KCNC2: variants seen among roughly 807,000 people sequenced by gnomAD.
KCNC2 encodes voltage-gated potassium channel KCNC2.
Under a neutral mutation model 44.5 loss-of-function variants are expected in KCNC2, and 21 were observed. The observed-to-expected ratio is 0.47, with a 90% CI of 0.33 to 0.68. The LOEUF is 0.68. Among genes scored for constraint, KCNC2 ranks in the 30% least tolerant of loss-of-function variants. KCNC2 has a pLI of 0.01. For missense variants in KCNC2, 589 were observed against 826.2 expected (o/e 0.71, Z 3.52); for synonymous variants, 391 against 339.1 (o/e 1.15, Z -1.68).
intron 2 of KCNC2, among the ~76,000 whole-genome samples, chr12:75,133,812 A>G (rs1437225462): frequency 1.3e-5 from 2 of 152,060 alleles, no homozygotes; most frequent in African/African-American, 2.4e-5. Flanking sequence ...TATAGAACAT[A>G]TATCCTGTGC....
At chr12:75,119,983 C>A (rs937975280) in intron 2 of KCNC2, among the ~76,000 whole-genome samples, 4 of 152,102 alleles carry the variant, frequency 2.6e-5, no homozygotes, top group African/African-American at 9.7e-5. Flanking sequence ...AAATGTGAAT[C>A]AAAGAGTTAT....
At chr12:75,061,001 C>G (rs1325520202) in intron 2 of KCNC2, among the ~76,000 whole-genome samples, 1 of 152,104 alleles carries the variant, frequency 6.6e-6, no homozygotes, top group Non-Finnish European at 1.5e-5. Flanking sequence ...TCCTTGAAAT[C>G]TGGTCAAAAT....
chr12:75,151,406 T>A (rs1353144291), intron 2 of KCNC2, among the ~76,000 whole-genome samples: 2 of 151,978 alleles, frequency 1.3e-5, no homozygotes. Flanking sequence ...GTTGGCCCAC[T>A]GCCAGTTGTC....
chr12:75,117,100 T>A lies in KCNC2; in HGVS notation c.688-65783A>T, dbSNP rs546983041. Among the ~76,000 whole-genome samples, 740 of 150,094 alleles carry A rather than the reference T, an allele frequency of 4.9e-3. 7 individuals are homozygous for A. The highest frequency in any genetic ancestry group is 0.018 in the African/African-American group (714 of 40,468). On this transcript the variant is annotated intron_variant, in intron 2 of 4. Coordinates refer to ENST00000549446, the MANE Select transcript of KCNC2 (RefSeq NM_139137.4). ...CTTGCATTGTGGTTTAAAAAAAAAATAAAGGAAAGAGAAGACAAAAAGAAA... is the reference window on the plus strand; with the variant it reads ...CTTGCATTGTGGTTTAAAAAAAAAAAAAAGGAAAGAGAAGACAAAAAGAAA...
chr12:75,198,015 A>C (rs1405227535), intron 2 of KCNC2, among the ~76,000 whole-genome samples: 1 of 152,012 alleles, frequency 6.6e-6, no homozygotes, highest in East Asian at 1.9e-4. Flanking sequence ...AGTACATACT[A>C]CAATTAAGAA....
intron 2 of KCNC2, among the ~76,000 whole-genome samples, chr12:75,104,644 T>A (rs1008835236): frequency 6.6e-6 from 1 of 152,160 alleles, no homozygotes; most frequent in African/African-American, 2.4e-5. Flanking sequence ...ATAATAAACT[T>A]TTACCTAGAA....
In KCNC2 at chr12:75,207,003, AG is replaced by A. The variant is rs980182783; in HGVS notation, c.687+293del. ...TGAATCCTCATACCCGTTTCAGGAC[AG>A]GGTCCAAAGACGTGCACAGAAAAGT... On this transcript the variant is annotated intron_variant, in intron 2 of 4. Transcript: ENST00000549446. This position sits in a 1 kb window ranked among gnomAD's most constrained non-coding sequence, Gnocchi z 4.1. Among the ~76,000 whole-genome samples, 1 of 152,226 alleles carries A rather than the reference AG, an allele frequency of 6.6e-6. No homozygotes were observed. Among genetic ancestry groups the A allele is most frequent in the African/African-American group, 2.4e-5 (1 of 41,456 alleles).
intron 2 of KCNC2, among the ~76,000 whole-genome samples, chr12:75,195,530 T>G (rs1000938382): frequency 6.6e-6 from 1 of 152,142 alleles, no homozygotes; most frequent in Non-Finnish European, 1.5e-5. Flanking sequence ...GGAACATTCT[T>G]GACTTTTCTT....
intron 2 of KCNC2, among the ~76,000 whole-genome samples, chr12:75,106,680 A>C (rs1231902858): frequency 1.3e-5 from 2 of 152,166 alleles, no homozygotes; most frequent in Admixed American, 6.5e-5. Flanking sequence ...TAAATAAAAA[A>C]CACCACCACC....
chr12:75,107,399 T>C (rs1886876263), intron 2 of KCNC2, among the ~76,000 whole-genome samples: 1 of 150,848 alleles, frequency 6.6e-6, no homozygotes, highest in Non-Finnish European at 1.5e-5. Context: ...TATAACAAAT[T>C]TATAATTTAT....
At chr12:75,163,466 TAA>T (rs1337111509) in intron 2 of KCNC2, among the ~76,000 whole-genome samples, 9 of 151,798 alleles carry the variant, frequency 5.9e-5, no homozygotes, top group Non-Finnish European at 1.2e-4. Context: ...CAAATGCATT[TAA>T]GTTTCTGCAC....
At chr12:75,133,369 A>T (rs887851165) in intron 2 of KCNC2, among the ~76,000 whole-genome samples, 13 of 151,966 alleles carry the variant, frequency 8.6e-5, no homozygotes, top group Admixed American at 5.9e-4. Flanking sequence ...GCTTGTAACA[A>T]TGTATCACAT....
chr12:75,119,195 A>G (rs1004232694), intron 2 of KCNC2, among the ~76,000 whole-genome samples: 1 of 152,156 alleles, frequency 6.6e-6, no homozygotes, highest in Admixed American at 6.5e-5. Flanking sequence ...ATTATACACA[A>G]TGGGGTAACT....
intron 2 of KCNC2, among the ~76,000 whole-genome samples, chr12:75,081,834 T>C (rs564140492): frequency 6.6e-6 from 1 of 152,142 alleles, no homozygotes; most frequent in Admixed American, 6.6e-5. Context: ...CCCATATTAG[T>C]AGACATTTTG....
Position 75,207,213 on chromosome 12 carries a change from G to A in KCNC2, c.687+84C>T, listed in dbSNP as rs2031757041. On this transcript the variant is annotated intron_variant, in intron 2 of 4. Transcript: ENST00000549446. The surrounding 1 kb of genome is among the most constrained non-coding windows in gnomAD (Gnocchi z 4.1). ...GTCTCTTCTACCCCCCATGCCTGAGGCCCTGGGGTGGAAAAGAACAGAAAG... is the reference window on the plus strand; with the variant it reads ...GTCTCTTCTACCCCCCATGCCTGAGACCCTGGGGTGGAAAAGAACAGAAAG... 1.7e-5 allele frequency: 26 copies of A among 1,487,892 alleles called. No individual in the cohort carries two copies. Among genetic ancestry groups the A allele is most frequent in the Non-Finnish European group, 2.3e-5 (26 of 1,120,338 alleles). 92.2% of individuals were successfully genotyped at this position (1,487,892 alleles called of 1,614,324 possible).
At chr12:75,159,461 C>T (rs559834409) in intron 2 of KCNC2, among the ~76,000 whole-genome samples, 1 of 151,614 alleles carries the variant, frequency 6.6e-6, no homozygotes, top group Non-Finnish European at 1.5e-5. Flanking sequence ...GCATTCAGAA[C>T]CTTAGGGACT....
At chr12:75,184,924 T>A (rs1421839484) in intron 2 of KCNC2, among the ~76,000 whole-genome samples, 1 of 152,220 alleles carries the variant, frequency 6.6e-6, no homozygotes, top group Non-Finnish European at 1.5e-5. Context: ...TAAGCATGAT[T>A]GTGACAGTTG....
intron 2 of KCNC2, among the ~76,000 whole-genome samples, chr12:75,079,550 T>C (rs1884295429): frequency 6.6e-6 from 1 of 152,154 alleles, no homozygotes; most frequent in Admixed American, 6.6e-5. Context: ...ATACGTTTCA[T>C]TGTGTGCATA....
At chr12:75,058,960 A>G (rs1341170911) in intron 2 of KCNC2, among the ~76,000 whole-genome samples, 1 of 152,022 alleles carries the variant, frequency 6.6e-6, no homozygotes. Flanking sequence ...CAGCTTAGGC[A>G]GAACCCCTCC....
Sources: allele counts gnomAD v4.1 joint callset (sites outside exome capture counted in the v4.1 genomes callset), GRCh38; gene constraint gnomAD v4.1.1; non-coding constraint Gnocchi (gnomAD v3.1); transcripts MANE v1.5; gene names NCBI Gene and HGNC (gene_info 2026-07-23, HGNC 2026-07-21).